The following NIPAL2 variants were observed in gnomAD, a reference collection of about 807,000 sequenced individuals.
NIPAL2 encodes the protein NIPA-like protein 2.
A neutral mutation model predicts 48.9 loss-of-function variants in NIPAL2; 43 were observed. The ratio of observed to expected loss-of-function variants is 0.88; its 90% CI spans 0.69 to 1.13. The LOEUF is 1.13. Among genes scored for constraint, NIPAL2 ranks in the 50% most tolerant of loss-of-function variants. NIPAL2 has a pLI of 0.00. For missense variants in NIPAL2, 446 were observed against 461.4 expected, an observed-to-expected ratio of 0.97 and a Z score of 0.31; for synonymous variants, 167 against 174.6, an observed-to-expected ratio of 0.96 and a Z score of 0.34.
intron 1 of NIPAL2, among the ~76,000 whole-genome samples, chr8:98,282,614 A>G (rs1401441731): frequency 6.6e-6 from 1 of 152,198 alleles, no homozygotes; most frequent in Non-Finnish European, 1.5e-5. Context: ...TTGAGGCTGC[A>G]GTGAGCTATG....
intron 1 of NIPAL2, among the ~76,000 whole-genome samples, chr8:98,279,802 T>C (rs1354772052): frequency 1.3e-5 from 2 of 152,338 alleles, no homozygotes; most frequent in South Asian, 2.1e-4. Context: ...ATCTTAATAA[T>C]GTAGTTATAA....
intron 5 of NIPAL2, among the ~76,000 whole-genome samples, chr8:98,217,655 A>G (rs1811641225): frequency 6.6e-6 from 1 of 152,320 alleles, no homozygotes; most frequent in Non-Finnish European, 1.5e-5. Flanking sequence ...GTCTTTAGAG[A>G]TGCAATTATA....
intron 1 of NIPAL2, among the ~76,000 whole-genome samples, chr8:98,278,367 C>G (rs559105476): frequency 6.6e-6 from 1 of 152,218 alleles, no homozygotes; most frequent in African/African-American, 2.4e-5. Context: ...CACCATTATC[C>G]CTTTAAATGT....
chr8:98,257,347 CTTTTTTT>C (rs1162654230), intron 1 of NIPAL2, among the ~76,000 whole-genome samples: 1 of 58,010 alleles, frequency 1.7e-5, no homozygotes, highest in African/African-American at 3.4e-5. Context: ...TTCTTTCTTT[CTTTTTTT>C]TTTTTTTTTT....
chr8:98,253,317 A>T (rs1813693840), intron 2 of NIPAL2, among the ~76,000 whole-genome samples: 1 of 152,114 alleles, frequency 6.6e-6, no homozygotes, highest in African/African-American at 2.4e-5. Context: ...GATAAGAGGG[A>T]ATTACCATAT....
At chr8:98,245,381 G>A (rs180776818) in intron 3 of NIPAL2, among the ~76,000 whole-genome samples, 29 of 152,298 alleles carry the variant, frequency 1.9e-4, no homozygotes, top group Admixed American at 1.9e-3. Flanking sequence ...GGATATGTCA[G>A]TTTGAAAAAT....
intron 1 of NIPAL2, among the ~76,000 whole-genome samples, chr8:98,265,289 A>T (rs1267282332): frequency 1.5e-4 from 23 of 151,390 alleles, no homozygotes; most frequent in Non-Finnish European, 3.4e-4. Context: ...ATAGGATCTA[A>T]TTAAACTAAA....
chr8:98,288,144 C>G (rs1816284529), intron 1 of NIPAL2, among the ~76,000 whole-genome samples: 1 of 151,610 alleles, frequency 6.6e-6, no homozygotes, highest in African/African-American at 2.4e-5. Context: ...CACCCACTAA[C>G]TCGTCATCTA....
At chr8:98,200,065 G>A (rs538508041) in intron 8 of NIPAL2, among the ~76,000 whole-genome samples, 4 of 152,200 alleles carry the variant, frequency 2.6e-5, no homozygotes, top group East Asian at 3.9e-4. Flanking sequence ...CAATCCTACC[G>A]CCTCAGCCTC....
chr8:98,202,811 A>G (rs1224984232), intron 8 of NIPAL2, among the ~76,000 whole-genome samples: 1 of 152,258 alleles, frequency 6.6e-6, no homozygotes, highest in Non-Finnish European at 1.5e-5. Flanking sequence ...AACAAAGATG[A>G]GTGTCTTAAA....
chr8:98,225,129 G>A (rs568153069), intron 4 of NIPAL2, among the ~76,000 whole-genome samples: 5 of 152,228 alleles, frequency 3.3e-5, no homozygotes, highest in African/African-American at 9.6e-5. Flanking sequence ...CATCTGCTAC[G>A]TAACTATGGC....
At chr8:98,284,550 C>T (rs749989185) in intron 1 of NIPAL2, among the ~76,000 whole-genome samples, 13 of 152,134 alleles carry the variant, frequency 8.5e-5, no homozygotes, top group African/African-American at 1.9e-4. Flanking sequence ...TCTCTGCTTA[C>T]GGTTTTTCTT....
intron 6 of NIPAL2, among the ~76,000 whole-genome samples, chr8:98,210,394 G>A (rs1442980513): frequency 6.6e-6 from 1 of 152,122 alleles, no homozygotes; most frequent in Non-Finnish European, 1.5e-5. Flanking sequence ...TTTCCAGGTG[G>A]TAGGGTTTTA....
At chr8:98,241,240 C>T (rs1812965316) in intron 3 of NIPAL2, among the ~76,000 whole-genome samples, 1 of 152,236 alleles carries the variant, frequency 6.6e-6, no homozygotes, top group South Asian at 2.1e-4. Flanking sequence ...GAAACACAAC[C>T]CCAGTGGATA....
intron 1 of NIPAL2, among the ~76,000 whole-genome samples, chr8:98,275,328 T>C (rs1815399785): frequency 6.6e-6 from 1 of 152,166 alleles, no homozygotes; most frequent in Admixed American, 6.5e-5. Context: ...TTCTATGTTA[T>C]TTCAAAAATA....
At chr8:98,206,795 A>G (rs565037973) in intron 6 of NIPAL2, among the ~76,000 whole-genome samples, 172 of 150,414 alleles carry the variant, frequency 1.1e-3, no homozygotes, top group African/African-American at 4.1e-3. Context: ...AAAAAAAAGG[A>G]AAAAAAAATC....
intron 5 of NIPAL2, among the ~76,000 whole-genome samples, chr8:98,215,263 A>G (rs757943627): frequency 6.6e-5 from 10 of 152,256 alleles, no homozygotes; most frequent in Admixed American, 2.0e-4. Flanking sequence ...CATTATTCAC[A>G]GAATAACTAT....
intron 1 of NIPAL2, among the ~76,000 whole-genome samples, chr8:98,287,418 G>GAGCTCACAT (rs1816243873): frequency 6.6e-6 from 1 of 152,148 alleles, no homozygotes; most frequent in African/African-American, 2.4e-5. Flanking sequence ...TGAAAGGGAG[G>GAGCTCACAT]CAAACATCAA....
chr8:98,244,393 C>T (rs1471859030), intron 3 of NIPAL2, among the ~76,000 whole-genome samples: 2 of 42,046 alleles, frequency 4.8e-5, no homozygotes, highest in Admixed American at 6.1e-4. Flanking sequence ...AGAGGGTGGG[C>T]GTGGTGATGA....
Sources: allele counts gnomAD v4.1 joint callset (sites outside exome capture counted in the v4.1 genomes callset), GRCh38; gene constraint gnomAD v4.1.1; transcripts MANE v1.5; gene names NCBI Gene and HGNC (gene_info 2026-07-23, HGNC 2026-07-21).